Variants in RNF220 observed in about 807,000 individuals in gnomAD.
RNF220 encodes the protein E3 ubiquitin-protein ligase RNF220.
Under a neutral mutation model 67.1 loss-of-function variants are expected in RNF220, and 7 were observed. That is an observed-to-expected ratio of 0.10 (90% CI 0.06 to 0.20). RNF220 has a LOEUF of 0.20. Among genes scored for constraint, RNF220 ranks in the 10% least tolerant of loss-of-function variants. The pLI is 1.00. For synonymous variants in RNF220, 270 were observed against 283.2 expected (o/e 0.95, Z 0.47); for missense variants, 565 against 740.3 (o/e 0.76, Z 2.75).
At chr1:44,546,323 G>A (rs772221809) in intron 2 of RNF220, among the ~76,000 whole-genome samples, 1 of 152,098 alleles carries the variant, frequency 6.6e-6, no homozygotes, top group African/African-American at 2.4e-5. Flanking sequence ...AGCCTAAGAG[G>A]TCGCATGGCT....
chr1:44,528,734 C>A (rs1340440599), intron 2 of RNF220, among the ~76,000 whole-genome samples: 4 of 152,004 alleles, frequency 2.6e-5, no homozygotes, highest in Admixed American at 1.3e-4. Context: ...CCTGCCTCAG[C>A]CTCCCAAGTA....
chr1:44,506,106 T>C (rs12740646), intron 2 of RNF220, among the ~76,000 whole-genome samples: 47,019 of 152,212 alleles, frequency 0.31, 7,911 homozygotes, highest in Non-Finnish European at 0.39. Context: ...CTTCTTTTCA[T>C]GGACCCGGTG....
chr1:44,531,091 T>C (rs978816134), intron 2 of RNF220, among the ~76,000 whole-genome samples: 3 of 152,252 alleles, frequency 2.0e-5, no homozygotes, highest in Admixed American at 2.0e-4. Flanking sequence ...TTTAGAATTA[T>C]GGCATTCAGG....
intron 2 of RNF220, among the ~76,000 whole-genome samples, chr1:44,539,748 T>C (rs1454117604): frequency 6.6e-6 from 1 of 152,234 alleles, no homozygotes; most frequent in Non-Finnish European, 1.5e-5. Context: ...TTCATCTGTA[T>C]TAATCCAACA....
In RNF220 at chr1:44,468,012, C is replaced by T. The variant is rs1232482200; in HGVS notation, c.625+55290C>T. ...GGTGGAGCAGTCAGAACACACACAA[C>T]GTTTATTAAGTGTGCCATCTTATAT... On this transcript the variant is annotated intron_variant, in intron 2 of 14. Coordinates refer to ENST00000361799, the MANE Select transcript of RNF220 (RefSeq NM_018150.4). Among the ~76,000 whole-genome samples, 38 of 151,938 alleles carry T rather than the reference C, an allele frequency of 2.5e-4. 1 individual carries two copies. The highest frequency in any genetic ancestry group is 2.4e-3 in the Admixed American group (36 of 15,258).
chr1:44,517,831 G>C (rs557258001), intron 2 of RNF220, among the ~76,000 whole-genome samples: 3 of 152,354 alleles, frequency 2.0e-5, no homozygotes, highest in East Asian at 3.9e-4. Flanking sequence ...CTAGGGCCAG[G>C]TACGGTGGTC....
chr1:44,438,681 C>G (rs1001978882), intron 2 of RNF220, among the ~76,000 whole-genome samples: 2 of 152,130 alleles, frequency 1.3e-5, no homozygotes, highest in African/African-American at 4.8e-5. Context: ...AGACAAAAAC[C>G]CTATACCAGA....
intron 2 of RNF220, among the ~76,000 whole-genome samples, chr1:44,550,266 A>G (rs79183623): frequency 0.03 from 4,544 of 152,292 alleles, 183 homozygotes; most frequent in East Asian, 0.13. Context: ...AGAAGCCCAG[A>G]TGACCCAGAC....
intron 2 of RNF220, among the ~76,000 whole-genome samples, chr1:44,514,940 G>T (rs140851459): frequency 7.7e-4 from 118 of 152,264 alleles, no homozygotes; most frequent in African/African-American, 2.7e-3. Flanking sequence ...AGAAGCAAAG[G>T]GGTAGGAGCT....
At position 44,442,256 on chromosome 1, in the gene RNF220, C is replaced by T. The variant is rs141578078; in HGVS notation, c.625+29534C>T. Among the ~76,000 whole-genome samples, 18 of 152,224 alleles carry T rather than the reference C, an allele frequency of 1.2e-4. 2 individuals carry two copies. The highest frequency in any genetic ancestry group is 4.3e-4 in the African/African-American group (18 of 41,536). On this transcript the variant is annotated intron_variant, in intron 2 of 14. Transcript: ENST00000361799. Reference sequence around the variant, plus strand: ...TCCCTAGGCTTAGGTGATCCTCCCACCTCAGCTTCATGAGTAGCTGGGACT... The same window carrying T: ...TCCCTAGGCTTAGGTGATCCTCCCATCTCAGCTTCATGAGTAGCTGGGACT...
intron 2 of RNF220, among the ~76,000 whole-genome samples, chr1:44,562,150 T>C (rs1358998273): frequency 1.3e-5 from 2 of 152,048 alleles, no homozygotes; most frequent in African/African-American, 4.8e-5. Context: ...GATGGTGCCA[T>C]CTGACTAGGG....
At chr1:44,490,627 A>G (rs1656772683) in intron 2 of RNF220, among the ~76,000 whole-genome samples, 1 of 152,264 alleles carries the variant, frequency 6.6e-6, no homozygotes, top group Non-Finnish European at 1.5e-5. Context: ...GTAAATGCCT[A>G]TACTTTAAAA....
At chr1:44,582,562 G>A (rs1245692058) in intron 2 of RNF220, among the ~76,000 whole-genome samples, 1 of 152,132 alleles carries the variant, frequency 6.6e-6, no homozygotes, top group African/African-American at 2.4e-5. Context: ...TTTGAGACCA[G>A]CCTGGCCAAT....
chr1:44,570,048 AG>A (rs1664323954), intron 2 of RNF220, among the ~76,000 whole-genome samples: 2 of 152,210 alleles, frequency 1.3e-5, no homozygotes, highest in East Asian at 3.8e-4. Flanking sequence ...AGGCCTTTGC[AG>A]CACAAAGGAA....
chr1:44,554,755 C>T (rs1448956458), intron 2 of RNF220, among the ~76,000 whole-genome samples: 1 of 152,088 alleles, frequency 6.6e-6, no homozygotes, highest in Non-Finnish European at 1.5e-5. Context: ...AATTTCATAG[C>T]AAGCAGGTAG....
chr1:44,562,996 C>A (rs1432366035), intron 2 of RNF220, among the ~76,000 whole-genome samples: 1 of 152,168 alleles, frequency 6.6e-6, no homozygotes, highest in Non-Finnish European at 1.5e-5. Flanking sequence ...GGGCTGGGAA[C>A]AATAGACACT....
At chr1:44,492,853 C>CT (rs1656974711) in intron 2 of RNF220, among the ~76,000 whole-genome samples, 2 of 151,896 alleles carry the variant, frequency 1.3e-5, no homozygotes, top group South Asian at 4.2e-4. Flanking sequence ...GGCAAGCCAA[C>CT]TGTTTTAATG....
intron 2 of RNF220, among the ~76,000 whole-genome samples, chr1:44,553,087 C>T (rs1418624796): frequency 6.6e-6 from 1 of 152,190 alleles, no homozygotes; most frequent in Non-Finnish European, 1.5e-5. Context: ...TCCAAGATTT[C>T]CTTCAGATCT....
Position 44,649,814 on chromosome 1 carries a change from G to A in RNF220, c.1554+45G>A, listed in dbSNP as rs751421382. 1.9e-5 allele frequency: 30 copies of A among 1,612,884 alleles called. No individual in the cohort carries two copies. Among genetic ancestry groups the A allele is most frequent in the African/African-American group, 1.3e-4 (10 of 74,874 alleles). On this transcript the variant is annotated intron_variant, in intron 13 of 14. Transcript: ENST00000361799. The surrounding 1 kb of genome is among the most constrained non-coding windows in gnomAD (Gnocchi z 5.9). ...GGGGTGCCCTTGGTCAGGCTTCCAC[G>A]CCCTCTGGGGGAGTTGGAGAGGGTG...
Sources: gnomAD v4.1 joint callset for allele counts (sites outside exome capture counted in the v4.1 genomes callset) on GRCh38, gnomAD v4.1.1 for gene constraint, Gnocchi (gnomAD v3.1) non-coding constraint, MANE v1.5 for transcripts, NCBI Gene and HGNC (gene_info 2026-07-23, HGNC 2026-07-21) for gene names.